The following MAOB variants were observed in gnomAD, a reference collection of about 807,000 sequenced individuals.
MAOB encodes monoamine oxidase B.
Under a neutral mutation model 41.9 loss-of-function variants are expected in MAOB, and 15 were observed. The ratio of observed to expected loss-of-function variants is 0.36; its 90% CI spans 0.24 to 0.55. MAOB has a LOEUF of 0.55. Among genes scored for constraint, MAOB ranks in the 20% least tolerant of loss-of-function variants. The pLI, the probability that MAOB is intolerant of heterozygous loss-of-function variation, is 0.86. For synonymous variants in MAOB, 167 were observed against 144.2 expected, an observed-to-expected ratio of 1.16 and a Z score of -1.13; for missense variants, 345 against 398.7, an observed-to-expected ratio of 0.87 and a Z score of 1.15.
At chrX:43,851,384 G>A (rs1209233972) in intron 1 of MAOB, among the ~76,000 whole-genome samples, 1 of 110,247 alleles carries the variant, frequency 9.1e-6, no homozygotes, top group Non-Finnish European at 1.9e-5. Flanking sequence ...TACTTATGGG[G>A]CACATGAAAT....
chrX:43,817,048 T>TCTC (rs201867912), intron 3 of MAOB, among the ~76,000 whole-genome samples: 3 of 110,393 alleles, frequency 2.7e-5, no homozygotes, highest in African/African-American at 6.6e-5. Context: ...TATTTCTTCC[T>TCTC]CTCCTCCTCC....
chrX:43,833,739 T>C (rs921619833), intron 3 of MAOB, among the ~76,000 whole-genome samples: 1 of 112,359 alleles, frequency 8.9e-6, no homozygotes, highest in African/African-American at 3.2e-5. Flanking sequence ...CTGTTAAGTT[T>C]ATCCAGATAT....
At chrX:43,771,419 C>T (rs753562845) in intron 12 of MAOB, among the ~76,000 whole-genome samples, 3 of 111,701 alleles carry the variant, frequency 2.7e-5, no homozygotes, top group Non-Finnish European at 5.7e-5. Context: ...GTGTATTAAG[C>T]GCATTTTCCA....
At chrX:43,808,680 A>ATATC (rs1217543863) in intron 3 of MAOB, among the ~76,000 whole-genome samples, 1 of 100,739 alleles carries the variant, frequency 9.9e-6, no homozygotes, top group Non-Finnish European at 2.0e-5. Flanking sequence ...ATCTATATCT[A>ATATC]TATCTATATC....
intron 10 of MAOB, 58 bp from the exon 11 acceptor site, chrX:43,778,797 G>A (rs2147123330): frequency 2.2e-6 from 2 of 908,549 alleles, no homozygotes; most frequent in Non-Finnish European, 1.6e-6. Flanking sequence ...GAAAAAAAAA[G>A]TGGGAAAGAG....
chrX:43,851,014 T>C (rs2035247908), intron 1 of MAOB, among the ~76,000 whole-genome samples: 1 of 112,285 alleles, frequency 8.9e-6, no homozygotes, highest in African/African-American at 3.2e-5. Context: ...ATAACCAAGC[T>C]TTTGTCTCTA....
chrX:43,780,860 G>A (rs1373542231), intron 9 of MAOB, among the ~76,000 whole-genome samples: 2 of 111,704 alleles, frequency 1.8e-5, no homozygotes, highest in East Asian at 5.6e-4. Context: ...CTAACAATTA[G>A]CTTTGATCTC....
At chrX:43,842,758 T>C (rs1169581894) in intron 2 of MAOB, among the ~76,000 whole-genome samples, 3 of 111,727 alleles carry the variant, frequency 2.7e-5, no homozygotes, top group Admixed American at 1.9e-4. Flanking sequence ...AATAAAGAAA[T>C]GTCATTTGGG....
chrX:43,803,548 C>A, intron 3 of MAOB, 144 bp from the exon 4 acceptor site: 1 of 831,746 alleles, frequency 1.2e-6, no homozygotes, highest in Non-Finnish European at 1.6e-6. Context: ...TCCTTGTGTC[C>A]TCAGAACCCC....
intron 9 of MAOB, 74 bp downstream of exon 9, chrX:43,781,374 G>A: frequency 1.8e-6 from 1 of 566,422 alleles, no homozygotes; most frequent in Non-Finnish European, 2.6e-6. Context: ...CAAAGTTTGG[G>A]GCACATTTGT....
At chrX:43,829,571 C>A (rs2034990967) in intron 3 of MAOB, among the ~76,000 whole-genome samples, 1 of 111,835 alleles carries the variant, frequency 8.9e-6, no homozygotes, top group Non-Finnish European at 1.9e-5. Context: ...GCATTAAAAT[C>A]ACAGGACATA....
rs1165070551 is a variant in MAOB, at chrX:43,820,662, A to G, written c.280-17258T>C. 5.3e-5 allele frequency among the ~76,000 whole-genome samples: 6 copies of G among 112,288 alleles called. No homozygotes were observed. In the East Asian group the frequency reaches 1.7e-3, roughly 31 times the overall value. On this transcript the variant is annotated intron_variant, in intron 3 of 14. Coordinates refer to ENST00000378069, the MANE Select transcript of MAOB (RefSeq NM_000898.5). ...GTGAGAGCACAGCTTGTGATGTTCAACATCCCAGCAGGTAACCATGAACTC... is the reference window on the plus strand; with the variant it reads ...GTGAGAGCACAGCTTGTGATGTTCAGCATCCCAGCAGGTAACCATGAACTC...
chrX:43,848,150 G>A (rs1219643533), intron 1 of MAOB, among the ~76,000 whole-genome samples: 2 of 111,313 alleles, frequency 1.8e-5, no homozygotes, highest in East Asian at 2.8e-4. Flanking sequence ...GGGAGACTGG[G>A]AAATACACAG....
At chrX:43,775,353 C>T in intron 11 of MAOB, 81 bp from the exon 12 acceptor site, 2 of 1,125,459 alleles carry the variant, frequency 1.8e-6, no homozygotes, top group Non-Finnish European at 1.2e-6. Context: ...GTTTAGTAGG[C>T]TTTGTATTGT....
At chrX:43,784,147 C>A (rs1191119230) in intron 8 of MAOB, among the ~76,000 whole-genome samples, 1 of 112,216 alleles carries the variant, frequency 8.9e-6, no homozygotes, top group Non-Finnish European at 1.9e-5. Flanking sequence ...CTGAATCCCT[C>A]AAAGTCACTC....
chrX:43,861,326 C>T (rs2035330940), intron 1 of MAOB, among the ~76,000 whole-genome samples: 1 of 112,750 alleles, frequency 8.9e-6, no homozygotes, highest in African/African-American at 3.2e-5. Context: ...AGAATGCATT[C>T]CTCCTCAAAA....
chrX:43,857,166 A>AG (rs2035303190), intron 1 of MAOB, among the ~76,000 whole-genome samples: 1 of 31,016 alleles, frequency 3.2e-5, no homozygotes, highest in East Asian at 1.7e-3. Flanking sequence ...GAGAGAGAGA[A>AG]GAAGAGAGAG....
chrX:43,769,724 A>G (rs910558438), intron 12 of MAOB, among the ~76,000 whole-genome samples: 4 of 111,587 alleles, frequency 3.6e-5, no homozygotes, highest in African/African-American at 1.3e-4. Context: ...GCCCAGTCAC[A>G]TGGCTCCCTT....
chrX:43,814,246 A>C (rs894149353), intron 3 of MAOB, among the ~76,000 whole-genome samples: 5 of 111,356 alleles, frequency 4.5e-5, no homozygotes, highest in African/African-American at 1.3e-4. Context: ...AGCTGCCAAA[A>C]GAAGGTGGCT....
Sources: allele counts gnomAD v4.1 joint callset (sites outside exome capture counted in the v4.1 genomes callset), GRCh38; gene constraint gnomAD v4.1.1; transcripts MANE v1.5; gene names NCBI Gene and HGNC (gene_info 2026-07-23, HGNC 2026-07-21).